GPD2: variants seen among roughly 807,000 people sequenced by gnomAD.
GPD2 encodes glycerol-3-phosphate dehydrogenase, mitochondrial.
GPD2 carries 54 observed loss-of-function variants against 82.4 expected under a neutral mutation model. The observed-to-expected ratio is 0.66, with a 90% confidence interval of 0.53 to 0.82. GPD2 has a LOEUF of 0.82. Among genes scored for constraint, GPD2 ranks in the 40% least tolerant of loss-of-function variants. GPD2 has a pLI of 0.00. For synonymous variants in GPD2, 288 were observed against 306.1 expected (o/e 0.94, Z 0.62); for missense variants, 748 against 896.2 (o/e 0.83, Z 2.11).
the GPD2 span, among the ~76,000 whole-genome samples, chr2:156,413,403 G>C: frequency 6.6e-6 from 1 of 151,462 alleles, no homozygotes; most frequent in East Asian, 1.9e-4. Flanking sequence ...CAAACATGGC[G>C]AAATCCCGTC....
chr2:156,487,816 T>C (rs1205664989), intron 2 of GPD2, among the ~76,000 whole-genome samples: 1 of 152,224 alleles, frequency 6.6e-6, no homozygotes, highest in Non-Finnish European at 1.5e-5. Flanking sequence ...TTTAAAAATA[T>C]TTGAAAACCT....
At chr2:156,545,892 G>A (rs1227824544) in intron 6 of GPD2, among the ~76,000 whole-genome samples, 2 of 152,160 alleles carry the variant, frequency 1.3e-5, no homozygotes, top group Admixed American at 1.3e-4. Flanking sequence ...CTTTTAGACA[G>A]TTACATTCTA....
chr2:156,543,870 G>A (rs1686423460), intron 6 of GPD2, among the ~76,000 whole-genome samples: 1 of 152,166 alleles, frequency 6.6e-6, no homozygotes, highest in Non-Finnish European at 1.5e-5. Flanking sequence ...AGTAGCTCCT[G>A]TGGCACAAAC....
intron 2 of GPD2, among the ~76,000 whole-genome samples, chr2:156,479,259 T>A (rs1016683062): frequency 2.6e-5 from 4 of 152,240 alleles, no homozygotes; most frequent in African/African-American, 9.6e-5. Context: ...TGAAATTGAA[T>A]AAGATGTGGT....
intron 6 of GPD2, among the ~76,000 whole-genome samples, chr2:156,543,940 T>G (rs953991982): frequency 2.6e-5 from 4 of 152,154 alleles, no homozygotes; most frequent in African/African-American, 9.7e-5. Flanking sequence ...AAACATACAG[T>G]TTTGAAGATA....
chr2:156,485,256 A>T (rs1046548815), intron 2 of GPD2, among the ~76,000 whole-genome samples: 1 of 152,218 alleles, frequency 6.6e-6, no homozygotes. Flanking sequence ...AAAATCAAAT[A>T]AAATGGCCAT....
the GPD2 span, among the ~76,000 whole-genome samples, chr2:156,412,712 A>G: frequency 1.3e-5 from 2 of 152,224 alleles, no homozygotes; most frequent in Non-Finnish European, 2.9e-5. Context: ...CAATATTGTA[A>G]AACCTTCTTC....
Position 156,509,834 on chromosome 2 carries a change from C to G in GPD2, c.275-962C>G, listed in dbSNP as rs189310465. Reference sequence around the variant, plus strand: ...TGTCACCCAGGCTGGAGTGCAGTGGCATGATCTTGGCTCACTGTAACCTCT... The same window carrying G: ...TGTCACCCAGGCTGGAGTGCAGTGGGATGATCTTGGCTCACTGTAACCTCT... On this transcript the variant is annotated intron_variant, in intron 3 of 16. Transcript: ENST00000438166. 8.1e-3 allele frequency among the ~76,000 whole-genome samples: 1,170 copies of G among 145,152 alleles called. 4 individuals are homozygous for G. Among genetic ancestry groups the G allele is most frequent in the Non-Finnish European group, 0.012 (779 of 67,228 alleles).
chr2:156,510,688 T>A, intron 3 of GPD2, 108 bp from the exon 4 acceptor site: 1 of 858,380 alleles, frequency 1.2e-6, no homozygotes. Context: ...TTTATCCATG[T>A]TCAGAGTAAT....
chr2:156,462,505 T>C (rs1683024407), intron 1 of GPD2, among the ~76,000 whole-genome samples: 3 of 151,144 alleles, frequency 2.0e-5, no homozygotes, highest in Admixed American at 2.0e-4. Flanking sequence ...TTTCTCCATA[T>C]TGGTCGGGCT....
chr2:156,568,406 G>T (rs1304031989), intron 9 of GPD2, among the ~76,000 whole-genome samples: 4 of 152,100 alleles, frequency 2.6e-5, no homozygotes, highest in Non-Finnish European at 4.4e-5. Flanking sequence ...AAGGATCTTT[G>T]TCTTCCCTGA....
chr2:156,505,765 C>G (rs1430914234), intron 3 of GPD2, among the ~76,000 whole-genome samples: 2 of 152,142 alleles, frequency 1.3e-5, no homozygotes, highest in East Asian at 1.9e-4. Flanking sequence ...CCTAAGAACA[C>G]AAAATGCTAG....
At chr2:156,428,251 C>G in the GPD2 span, among the ~76,000 whole-genome samples, 5 of 152,160 alleles carry the variant, frequency 3.3e-5, no homozygotes, top group African/African-American at 1.2e-4. Context: ...ACTGCAACAG[C>G]AGGACCCAAA....
At chr2:156,571,436 C>T (rs1472591886) in intron 13 of GPD2, 144 bp downstream of exon 13, 1 of 461,334 alleles carries the variant, frequency 2.2e-6, no homozygotes, top group Non-Finnish European at 3.8e-6. Flanking sequence ...ATTGTTAGGC[C>T]TTAGGAAAAT....
At chr2:156,523,056 A>G (rs1364427797) in intron 6 of GPD2, among the ~76,000 whole-genome samples, 1 of 152,128 alleles carries the variant, frequency 6.6e-6, no homozygotes, top group African/African-American at 2.4e-5. Flanking sequence ...CACTGCAGTG[A>G]AGCATTCGTT....
intron 2 of GPD2, among the ~76,000 whole-genome samples, chr2:156,490,976 A>C (rs184499495): frequency 2.6e-5 from 2 of 75,734 alleles, no homozygotes; most frequent in East Asian, 6.2e-4. Flanking sequence ...TGATAAGTTT[A>C]TAAAATTTAC....
intron 1 of GPD2, among the ~76,000 whole-genome samples, chr2:156,475,812 C>G (rs186295878): frequency 3.3e-5 from 5 of 152,294 alleles, no homozygotes; most frequent in Admixed American, 3.3e-4. Context: ...GTTCTTTTGA[C>G]TTTATACTGT....
chr2:156,446,025 G>A (rs995257276), intron 1 of GPD2, among the ~76,000 whole-genome samples: 5 of 152,162 alleles, frequency 3.3e-5, no homozygotes, highest in South Asian at 4.1e-4. Context: ...CAATTCCTTA[G>A]GGCTTTCTTT....
intron 6 of GPD2, among the ~76,000 whole-genome samples, chr2:156,541,824 G>GT (rs61067726): frequency 0.21 from 17,171 of 80,562 alleles, 1,830 homozygotes; most frequent in South Asian, 0.28. Flanking sequence ...AATGCTGTTT[G>GT]TTTTTTTTTT....
Sources: gnomAD v4.1 joint callset for allele counts (sites outside exome capture counted in the v4.1 genomes callset) on GRCh38, gnomAD v4.1.1 for gene constraint, MANE v1.5 for transcripts, NCBI Gene and HGNC (gene_info 2026-07-23, HGNC 2026-07-21) for gene names.